The following PDIA3 variants were observed in gnomAD, a reference collection of about 807,000 sequenced individuals.
The protein encoded by PDIA3 is protein disulfide-isomerase A3.
PDIA3 carries 16 observed loss-of-function variants against 56.9 expected under a neutral mutation model. That is an observed-to-expected ratio of 0.28 (90% CI 0.19 to 0.43). The LOEUF is 0.43. PDIA3 is among the 20% of genes least tolerant of loss of function. The pLI is 1.00. For synonymous variants in PDIA3, 192 were observed against 216.5 expected (o/e 0.89, Z 0.99); for missense variants, 485 against 621.3 (o/e 0.78, Z 2.33).
chr15:43,762,919 C>T (rs2086825914), intron 4 of PDIA3, among the ~76,000 whole-genome samples, 158 bp from the exon 5 acceptor site: 1 of 152,168 alleles, frequency 6.6e-6, no homozygotes, highest in Non-Finnish European at 1.5e-5. Flanking sequence ...AATTCTCATC[C>T]TAAATATTGT....
intron 6 of PDIA3, 115 bp from the exon 7 acceptor site, chr15:43,765,772 G>A: frequency 1.7e-6 from 2 of 1,178,284 alleles, no homozygotes; most frequent in South Asian, 2.9e-5. Context: ...CTCAGTACTT[G>A]TTCTAAATGT....
At chr15:43,752,745 A>G (rs1440123242) in intron 1 of PDIA3, 1 of 469,506 alleles carries the variant, frequency 2.1e-6, no homozygotes, top group African/African-American at 2.0e-5. Context: ...GACTATTGAA[A>G]TATATCTGCT....
intron 1 of PDIA3, among the ~76,000 whole-genome samples, chr15:43,748,215 C>T (rs1398389765): frequency 7.2e-5 from 11 of 152,102 alleles, no homozygotes; most frequent in African/African-American, 1.2e-4. Context: ...TGGTGGCTCC[C>T]GCCTGTAATC....
At position 43,746,498 on chromosome 15, in the gene PDIA3, G is replaced by T. The variant is rs768260026; in HGVS notation, c.-42G>T. 8.0e-6 allele frequency: 12 copies of T among 1,506,904 alleles called. No homozygotes were observed. In the South Asian group the frequency reaches 1.5e-4, roughly 19 times the overall value. The allele number at this position is 1,506,904 out of a possible 1,614,324, so 93.3% of individuals were successfully genotyped here. On this transcript the variant is annotated 5_prime_UTR_variant, in exon 1 of 13. Transcript: ENST00000300289. ...GCGCCCGACCTCCGCAGTCCCAGCC[G>T]AGCCGCGACCCTTCCGGCCGTCCCC...
intron 6 of PDIA3, 145 bp from the exon 7 acceptor site, chr15:43,765,742 A>G (rs2086843868): frequency 7.7e-6 from 7 of 908,922 alleles, no homozygotes; most frequent in Non-Finnish European, 1.2e-5. Flanking sequence ...TCCTGTTGTC[A>G]TCCTGTAAGG....
At chr15:43,757,256 C>G (rs1348575074) in intron 3 of PDIA3, among the ~76,000 whole-genome samples, 2 of 151,852 alleles carry the variant, frequency 1.3e-5, no homozygotes, top group South Asian at 2.1e-4. Flanking sequence ...GTCCCCATCT[C>G]CAATAAAAAG....
chr15:43,756,905 C>G, intron 3 of PDIA3, 139 bp downstream of exon 3: 2 of 557,444 alleles, frequency 3.6e-6, no homozygotes, highest in Non-Finnish European at 6.4e-6. Flanking sequence ...TTGGTGGTAA[C>G]AAAAGACCTC....
intron 5 of PDIA3, 140 bp downstream of exon 5, chr15:43,763,346 A>G: frequency 2.2e-6 from 2 of 899,532 alleles, no homozygotes; most frequent in Non-Finnish European, 3.4e-6. Flanking sequence ...TCCACCTCCC[A>G]GGTTCAAACG....
At position 43,769,581 on chromosome 15, in the gene PDIA3, T is replaced by C. The variant is rs750610880; in HGVS notation, c.1201T>C (p.Phe401Leu). Residue 401 changes from phenylalanine (F) to leucine (L), a missense_variant, in exon 10 of 13, where the codon TTT becomes CTT. Coordinates refer to ENST00000300289, the MANE Select transcript of PDIA3 (RefSeq NM_005313.5). ...TGAAAATAAAGATGTGCTGATTGAA[T>C]TTTATGCCCCTTGGTGTGGTCACTG... ...NNENKDVLIE[F>L]YAPWCGHCKN... 2 of 1,613,338 alleles carry C rather than the reference T, an allele frequency of 1.2e-6. No individual in the cohort carries two copies. The highest frequency in any genetic ancestry group is 1.7e-5 in the Admixed American group (1 of 60,004).
chr15:43,763,887 C>T (rs1215283196), intron 5 of PDIA3, among the ~76,000 whole-genome samples: 2 of 151,796 alleles, frequency 1.3e-5, no homozygotes, highest in East Asian at 3.9e-4. Flanking sequence ...GATAGAGCAC[C>T]AGGAGTGAAG....
chr15:43,772,996 G>T lies in PDIA3; in HGVS notation c.*1778G>T. Reference sequence around the variant, plus strand: ...AAGAACCTAGAGCAGCTCTCTACTTGCCACCATGGACTCCAGTGGTCAGCA... The same window carrying T: ...AAGAACCTAGAGCAGCTCTCTACTTTCCACCATGGACTCCAGTGGTCAGCA... On this transcript the variant is annotated 3_prime_UTR_variant, in exon 13 of 13. Coordinates refer to ENST00000300289, the MANE Select transcript of PDIA3 (RefSeq NM_005313.5). 1 of 942,190 alleles carries T rather than the reference G, an allele frequency of 1.1e-6. No homozygotes were observed. Among genetic ancestry groups the T allele is most frequent in the Non-Finnish European group, 1.6e-6 (1 of 620,982 alleles). The allele number at this position is 942,190 out of a possible 1,614,324, so 58.4% of individuals were successfully genotyped here.
chr15:43,750,055 G>A (rs567824525), intron 1 of PDIA3, among the ~76,000 whole-genome samples: 4 of 77,842 alleles, frequency 5.1e-5, no homozygotes, highest in Non-Finnish European at 1.0e-4. Context: ...AAAGTGAAAG[G>A]TGAAAGCTTG....
At chr15:43,750,806 C>G (rs1345297423) in intron 1 of PDIA3, among the ~76,000 whole-genome samples, 1 of 151,116 alleles carries the variant, frequency 6.6e-6, no homozygotes, top group East Asian at 2.0e-4. Flanking sequence ...TCTATTTATG[C>G]TATAGATGTG....
At position 43,766,799 on chromosome 15, in the gene PDIA3, C is replaced by T. The variant is rs775268378; in HGVS notation, c.917C>T (p.Thr306Ile). Reference sequence around the variant, plus strand: ...AACTTTGCTGTAGCTAGCCGCAAAACCTTTAGCCATGAACTTTCTGATTTT... The same window carrying T: ...AACTTTGCTGTAGCTAGCCGCAAAATCTTTAGCCATGAACTTTCTGATTTT... ...KLNFAVASRK[T>I]FSHELSDFGL... Residue 306 changes from threonine to isoleucine, a missense_variant, in exon 8 of 13, where the codon ACC becomes ATC. By Grantham distance (89) the Thr-to-Ile change is moderately conservative. Coordinates refer to ENST00000300289, the MANE Select transcript of PDIA3 (RefSeq NM_005313.5). The T allele has an allele frequency of 6.2e-6, 10 of 1,613,368 alleles. No homozygotes were observed. The highest frequency in any genetic ancestry group is 6.8e-6 in the Non-Finnish European group (8 of 1,179,418).
At chr15:43,760,678 C>T (rs1353112017) in intron 3 of PDIA3, among the ~76,000 whole-genome samples, 14 of 151,238 alleles carry the variant, frequency 9.3e-5, no homozygotes, top group African/African-American at 3.2e-4. Context: ...CACAGGCGCC[C>T]GCCACCATGC....
chr15:43,768,474 G>A lies in PDIA3; in HGVS notation c.1029-15G>A, dbSNP rs2086861872. ...GAATAGATTAACAAGCCTTACCCTT[G>A]TTTTCCAATTGTAGGCGTGATGGGA... On this transcript the variant is annotated splice_polypyrimidine_tract_variant and intron_variant, in intron 8 of 12. Coordinates refer to ENST00000300289, the MANE Select transcript of PDIA3 (RefSeq NM_005313.5). 2 of 1,587,990 alleles carry A rather than the reference G, an allele frequency of 1.3e-6. No individual in the cohort carries two copies. The highest frequency in any genetic ancestry group is 1.7e-6 in the Non-Finnish European group (2 of 1,156,440).
intron 5 of PDIA3, among the ~76,000 whole-genome samples, chr15:43,763,511 C>T (rs1407849901): frequency 1.3e-5 from 2 of 152,166 alleles, no homozygotes; most frequent in Non-Finnish European, 2.9e-5. Context: ...CCTCGGCCTC[C>T]CAAAGTGCTG....
chr15:43,769,690 A>G (rs1239335114), intron 10 of PDIA3, 44 bp downstream of exon 10: 1 of 1,604,282 alleles, frequency 6.2e-7, no homozygotes, highest in Non-Finnish European at 8.5e-7. Flanking sequence ...GAGCGGGAGC[A>G]GTAAGTTTAT....
chr15:43,751,771 T>A (rs2086745939), intron 1 of PDIA3: 2 of 1,292,936 alleles, frequency 1.5e-6, no homozygotes, highest in Admixed American at 2.3e-5. Flanking sequence ...AAGCCATGCA[T>A]ACTTTTGTTG....
Sources: allele counts gnomAD v4.1 joint callset (sites outside exome capture counted in the v4.1 genomes callset), GRCh38; gene constraint gnomAD v4.1.1; transcripts MANE v1.5; gene names NCBI Gene and HGNC (gene_info 2026-07-23, HGNC 2026-07-21).